Variants in DOCK3 observed in about 807,000 individuals in gnomAD.
The protein encoded by DOCK3 is dedicator of cytokinesis 3.
In DOCK3, 60 loss-of-function variants were observed where a neutral mutation model predicts 265.6. That is an observed-to-expected ratio of 0.23 (90% confidence interval 0.18 to 0.28). The LOEUF (loss-of-function observed/expected upper bound fraction) is 0.28. Among genes scored for constraint, DOCK3 ranks in the 10% least tolerant of loss-of-function variants. The pLI, the probability that DOCK3 is intolerant of heterozygous loss-of-function variation, is 1.00. For synonymous variants in DOCK3, 881 were observed against 938.0 expected (o/e 0.94, Z 1.11); for missense variants, 1,981 against 2,594.3 (o/e 0.76, Z 5.14).
At chr3:51,045,655 TTTTA>T (rs2109067971) in intron 5 of DOCK3, among the ~76,000 whole-genome samples, 1 of 152,276 alleles carries the variant, frequency 6.6e-6, no homozygotes, top group South Asian at 2.1e-4. Context: ...GCAGGTCTAT[TTTTA>T]TTTCTCATCT....
chr3:51,149,723 G>C (rs2085483761), intron 10 of DOCK3, among the ~76,000 whole-genome samples: 1 of 152,186 alleles, frequency 6.6e-6, no homozygotes, highest in African/African-American at 2.4e-5. Flanking sequence ...TTTTTCATGT[G>C]CTGCTGGATT....
At chr3:50,689,951 T>C (rs1016816227) in intron 1 of DOCK3, among the ~76,000 whole-genome samples, 1 of 152,306 alleles carries the variant, frequency 6.6e-6, no homozygotes. Context: ...TGTCTCTAGA[T>C]GTACAAAAAT....
chr3:51,198,804 C>T (rs541331621), intron 12 of DOCK3, among the ~76,000 whole-genome samples: 17 of 152,158 alleles, frequency 1.1e-4, no homozygotes, highest in African/African-American at 3.4e-4. Context: ...CTGAGTCAGG[C>T]GGATCACTTG....
chr3:51,363,747 T>G (rs1029262935), intron 49 of DOCK3, among the ~76,000 whole-genome samples: 5 of 152,254 alleles, frequency 3.3e-5, no homozygotes, highest in Non-Finnish European at 7.3e-5. Context: ...TTTGGTTTTC[T>G]GTCCTTGCAA....
At chr3:50,690,901 A>G (rs1408673015) in intron 1 of DOCK3, among the ~76,000 whole-genome samples, 1 of 151,590 alleles carries the variant, frequency 6.6e-6, no homozygotes, top group Non-Finnish European at 1.5e-5. Flanking sequence ...TCGGCTTCCC[A>G]AAGTGCTGGG....
intron 27 of DOCK3, among the ~76,000 whole-genome samples, chr3:51,299,732 G>A (rs2082279021): frequency 6.6e-6 from 1 of 152,136 alleles, no homozygotes; most frequent in Non-Finnish European, 1.5e-5. Flanking sequence ...TAGATATGCA[G>A]TCTTATTTCT....
At chr3:51,148,953 T>C (rs1274611277) in intron 10 of DOCK3, among the ~76,000 whole-genome samples, 1 of 152,246 alleles carries the variant, frequency 6.6e-6, no homozygotes, top group African/African-American at 2.4e-5. Context: ...ATTTTCACGA[T>C]ACTGATTCTT....
rs549474809 is a variant in DOCK3 at position 51,021,454 on chromosome 3, G to A, written c.316-42994G>A. 3.9e-5 allele frequency among the ~76,000 whole-genome samples: 6 copies of A among 152,192 alleles called. No individual in the cohort carries two copies. The South Asian group carries it at 1.2e-3, about 32-fold the overall frequency. Reference sequence around the variant, plus strand: ...TGTCTCAATTAATGTAGATTCATAAGTTTCCTTACCTAGTAGTATAAATTA... The same window carrying A: ...TGTCTCAATTAATGTAGATTCATAAATTTCCTTACCTAGTAGTATAAATTA... On this transcript the variant is annotated intron_variant, in intron 5 of 52. Coordinates refer to ENST00000266037, the MANE Select transcript of DOCK3 (RefSeq NM_004947.5).
chr3:51,124,138 C>G (rs2084157780), intron 9 of DOCK3, among the ~76,000 whole-genome samples: 1 of 152,174 alleles, frequency 6.6e-6, no homozygotes, highest in Non-Finnish European at 1.5e-5. Flanking sequence ...CTTCCTCCAG[C>G]CCAAGAACCG....
At chr3:50,971,449 C>T (rs2077230184) in intron 5 of DOCK3, among the ~76,000 whole-genome samples, 1 of 152,006 alleles carries the variant, frequency 6.6e-6, no homozygotes, top group South Asian at 2.1e-4. Flanking sequence ...AATAGACAAC[C>T]TTTGTGGGGT....
chr3:50,732,798 T>G (rs1286184684), intron 1 of DOCK3, among the ~76,000 whole-genome samples: 1 of 152,202 alleles, frequency 6.6e-6, no homozygotes, highest in Admixed American at 6.5e-5. Flanking sequence ...TAAATTATAT[T>G]GTATACCTAA....
intron 2 of DOCK3, among the ~76,000 whole-genome samples, chr3:50,828,002 G>T (rs1364008091): frequency 6.6e-6 from 1 of 151,016 alleles, no homozygotes; most frequent in Non-Finnish European, 1.5e-5. Context: ...CTGGAGTGCA[G>T]TGGTGCGATC....
chr3:51,282,439 G>A (rs543802661), intron 27 of DOCK3, among the ~76,000 whole-genome samples: 14 of 151,996 alleles, frequency 9.2e-5, no homozygotes, highest in East Asian at 3.9e-4. Context: ...ACCTGAGGTC[G>A]GGAGTTTGAG....
rs1559878876 is a variant in DOCK3 at position 50,970,945 on chromosome 3, ATAATG to A, written c.315+36870_315+36874del. The stretch of plus-strand genomic sequence containing the variant: ...TATATATATATATATATATATATAT[ATAATG>A]TGTGTGTGTGTGTGTGTATATATAT... On this transcript the variant is annotated intron_variant, in intron 5 of 52. Coordinates refer to ENST00000266037, the MANE Select transcript of DOCK3 (RefSeq NM_004947.5). 5.3e-4 allele frequency among the ~76,000 whole-genome samples: 37 copies of A among 69,224 alleles called. 2 individuals are homozygous for A. Among genetic ancestry groups the A allele is most frequent in the African/African-American group, 2.4e-3 (35 of 14,856 alleles). The allele number at this position is 69,224 out of a possible 152,430, so 45.4% of individuals were successfully genotyped here.
chr3:51,153,284 G>T (rs1225607306), intron 10 of DOCK3, among the ~76,000 whole-genome samples: 1 of 152,218 alleles, frequency 6.6e-6, no homozygotes, highest in Non-Finnish European at 1.5e-5. Context: ...GCAAGGCTCT[G>T]TGGGCATGGG....
At chr3:51,346,665 C>T (rs370789494) in intron 38 of DOCK3, among the ~76,000 whole-genome samples, 20 of 152,184 alleles carry the variant, frequency 1.3e-4, no homozygotes, top group Non-Finnish European at 2.4e-4. Flanking sequence ...GTAATGAGAT[C>T]GCTGGGTCAA....
intron 4 of DOCK3, among the ~76,000 whole-genome samples, chr3:50,905,515 T>A (rs767850206): frequency 2.4e-4 from 36 of 152,244 alleles, no homozygotes; most frequent in Non-Finnish European, 4.3e-4. Flanking sequence ...TTTTATTCTC[T>A]TTGAAGCAAT....
intron 41 of DOCK3, among the ~76,000 whole-genome samples, chr3:51,355,883 G>C (rs1233343996): frequency 6.6e-6 from 1 of 152,152 alleles, no homozygotes; most frequent in Admixed American, 6.5e-5. Context: ...TCAACTACTA[G>C]AGCAGGGAGA....
At chr3:51,014,634 G>T (rs906911254) in intron 5 of DOCK3, among the ~76,000 whole-genome samples, 1 of 152,040 alleles carries the variant, frequency 6.6e-6, no homozygotes, top group Admixed American at 6.5e-5. Flanking sequence ...TGGCTATTCT[G>T]TGTCTTTTGC....
Sources: gnomAD v4.1 joint callset for allele counts (sites outside exome capture counted in the v4.1 genomes callset) on GRCh38, gnomAD v4.1.1 for gene constraint, MANE v1.5 for transcripts, NCBI Gene and HGNC (gene_info 2026-07-23, HGNC 2026-07-21) for gene names.